Variants in CADM2 observed in about 807,000 individuals in gnomAD.
CADM2 encodes the protein cell adhesion molecule 2.
Under a neutral mutation model 49.8 loss-of-function variants are expected in CADM2, and 12 were observed. That is an observed-to-expected ratio of 0.24 (90% confidence interval 0.15 to 0.39). The LOEUF is 0.39. Among genes scored for constraint, CADM2 ranks in the 10% least tolerant of loss-of-function variants. The pLI, the probability that CADM2 is intolerant of heterozygous loss-of-function variation, is 1.00. For missense variants in CADM2, 378 were observed against 492.3 expected, an observed-to-expected ratio of 0.77 and a Z score of 2.20; for synonymous variants, 214 against 175.4, an observed-to-expected ratio of 1.22 and a Z score of -1.74.
At chr3:85,695,306 T>C (rs756276344) in intron 1 of CADM2, among the ~76,000 whole-genome samples, 4 of 152,088 alleles carry the variant, frequency 2.6e-5, no homozygotes, top group Non-Finnish European at 4.4e-5. Flanking sequence ...TTGTACCCAA[T>C]AGGTGATTTT....
chr3:85,857,301 G>A (rs1466854824), intron 3 of CADM2, among the ~76,000 whole-genome samples: 1 of 152,072 alleles, frequency 6.6e-6, no homozygotes, highest in Non-Finnish European at 1.5e-5. Flanking sequence ...TGAGGTCAAA[G>A]ATGGGTCAAA....
intron 1 of CADM2, among the ~76,000 whole-genome samples, chr3:85,146,579 CA>C (rs1201502536): frequency 6.6e-6 from 1 of 152,056 alleles, no homozygotes; most frequent in Non-Finnish European, 1.5e-5. Context: ...TGATTTATAT[CA>C]ATAGTAATTA....
At chr3:86,051,468 C>A (rs897854600) in intron 8 of CADM2, among the ~76,000 whole-genome samples, 11 of 152,164 alleles carry the variant, frequency 7.2e-5, no homozygotes, top group Non-Finnish European at 2.9e-5. Flanking sequence ...TCGCCTATTA[C>A]CAAGTTCCAA....
intron 1 of CADM2, among the ~76,000 whole-genome samples, chr3:84,969,595 A>G (rs1041609257): frequency 6.6e-6 from 1 of 151,886 alleles, no homozygotes; most frequent in African/African-American, 2.4e-5. Context: ...GGATCTAGAT[A>G]ATATTTAAGT....
intron 1 of CADM2, among the ~76,000 whole-genome samples, chr3:85,396,294 T>C (rs1179848150): frequency 6.6e-6 from 1 of 151,892 alleles, no homozygotes; most frequent in Non-Finnish European, 1.5e-5. Context: ...TATTCATATA[T>C]AATTATTTTT....
At chr3:85,184,258 T>C (rs910699090) in intron 1 of CADM2, among the ~76,000 whole-genome samples, 4 of 152,134 alleles carry the variant, frequency 2.6e-5, no homozygotes, top group Non-Finnish European at 5.9e-5. Context: ...TGTTTCCTAA[T>C]GGTTAAGAAG....
At position 85,952,313 on chromosome 3, in the gene CADM2, C is replaced by T. The variant is rs1723532960; in HGVS notation, c.792-9156C>T. On this transcript the variant is annotated intron_variant, in intron 7 of 9. Transcript: ENST00000383699. ...TTCTTAGAATTCTTAGACTGTATTG[C>T]CTTTTCTTATTTTCTAAGTGAGTGT... Among the ~76,000 whole-genome samples the T allele has an allele frequency of 3.3e-5, 5 of 150,526 alleles. No individual in the cohort carries two copies. In the Admixed American group the frequency reaches 3.3e-4, roughly 10 times the overall value.
At chr3:85,102,419 T>G (rs2038051258) in intron 1 of CADM2, among the ~76,000 whole-genome samples, 1 of 152,196 alleles carries the variant, frequency 6.6e-6, no homozygotes, top group African/African-American at 2.4e-5. Context: ...AGAAAAAGAT[T>G]TTGATGTTTA....
intron 1 of CADM2, among the ~76,000 whole-genome samples, chr3:85,317,685 C>T (rs1054250136): frequency 6.6e-6 from 1 of 152,128 alleles, no homozygotes; most frequent in Non-Finnish European, 1.5e-5. Context: ...GGGATTTATC[C>T]ATTCATGAGG....
intron 7 of CADM2, among the ~76,000 whole-genome samples, chr3:85,936,939 A>G (rs77293580): frequency 0.034 from 5,181 of 151,852 alleles, 296 homozygotes; most frequent in African/African-American, 0.12. Context: ...GATTTATCCA[A>G]AAGTACATTT....
At chr3:85,736,018 A>G (rs1464179691) in intron 2 of CADM2, among the ~76,000 whole-genome samples, 1 of 152,156 alleles carries the variant, frequency 6.6e-6, no homozygotes, top group South Asian at 2.1e-4. Flanking sequence ...CATCAAATGC[A>G]TGAGTATAGC....
intron 1 of CADM2, among the ~76,000 whole-genome samples, chr3:85,521,502 T>C (rs2061025462): frequency 6.6e-6 from 1 of 152,188 alleles, no homozygotes; most frequent in Non-Finnish European, 1.5e-5. Flanking sequence ...GTTTAGGATT[T>C]GTTTGCTTTC....
chr3:85,922,175 T>C (rs1719206486), intron 6 of CADM2, among the ~76,000 whole-genome samples: 1 of 151,936 alleles, frequency 6.6e-6, no homozygotes, highest in Non-Finnish European at 1.5e-5. Flanking sequence ...TTTCTTCCTC[T>C]TTCCCCTTCT....
At chr3:85,825,274 A>G (rs919279399) in intron 3 of CADM2, among the ~76,000 whole-genome samples, 1 of 152,044 alleles carries the variant, frequency 6.6e-6, no homozygotes, top group Non-Finnish European at 1.5e-5. Context: ...AAGATACTAT[A>G]TTACAAAGAT....
chr3:85,095,000 A>G (rs752302534), intron 1 of CADM2, among the ~76,000 whole-genome samples: 11 of 152,292 alleles, frequency 7.2e-5, no homozygotes, highest in South Asian at 2.1e-4. Context: ...CTGAACAATA[A>G]TCTTTTGATA....
At position 85,034,118 on chromosome 3, in the gene CADM2, T is replaced by C. The variant is rs948251601; in HGVS notation, c.61+74450T>C. On this transcript the variant is annotated intron_variant, in intron 1 of 9. Transcript: ENST00000383699. ...TCAATTACTTATCCTTCCTTTGTGT[T>C]ATAAACAATCCAATTATAGTCTTCT... 7.2e-5 allele frequency among the ~76,000 whole-genome samples: 11 copies of C among 152,324 alleles called. No homozygotes were observed. In the South Asian group the frequency reaches 2.3e-3, roughly 32 times the overall value.
chr3:85,683,250 G>T (rs527603715), intron 1 of CADM2, among the ~76,000 whole-genome samples: 7 of 152,150 alleles, frequency 4.6e-5, no homozygotes, highest in Admixed American at 4.6e-4. Context: ...AGGAGAAATA[G>T]ATTTAATAGT....
intron 1 of CADM2, among the ~76,000 whole-genome samples, chr3:85,426,906 AGTCTTGCACT>A (rs1195413945): frequency 6.6e-6 from 1 of 151,768 alleles, no homozygotes; most frequent in Non-Finnish European, 1.5e-5. Flanking sequence ...TTTGAGACTG[AGTCTTGCACT>A]GTCACATGGG....
chr3:85,458,837 T>C (rs1283625703), intron 1 of CADM2, among the ~76,000 whole-genome samples: 1 of 152,092 alleles, frequency 6.6e-6, no homozygotes, highest in African/African-American at 2.4e-5. Context: ...AAAAGTACAT[T>C]TTAAAATCAC....
Sources: allele counts gnomAD v4.1 joint callset (sites outside exome capture counted in the v4.1 genomes callset), GRCh38; gene constraint gnomAD v4.1.1; transcripts MANE v1.5; gene names NCBI Gene and HGNC (gene_info 2026-07-23, HGNC 2026-07-21).